The following BRAF variants were observed in gnomAD, a reference collection of about 807,000 sequenced individuals.
BRAF encodes the protein serine/threonine-protein kinase B-raf.
BRAF carries 16 observed loss-of-function variants against 104.6 expected under a neutral mutation model. The observed-to-expected ratio is 0.15, with a 90% CI of 0.10 to 0.23. BRAF has a LOEUF of 0.23. Ranked by LOEUF, BRAF falls within the 10% of genes least tolerant of loss-of-function variation. The pLI is 1.00. For synonymous variants in BRAF, 310 were observed against 341.6 expected (o/e 0.91, Z 1.02); for missense variants, 541 against 937.3 (o/e 0.58, Z 5.52).
chr7:140,773,541 T>C (rs989247419), intron 14 of BRAF: 4 of 152,226 alleles, frequency 2.6e-5, no homozygotes, highest in Non-Finnish European at 4.4e-5. Context: ...AAGATATACA[T>C]GTCCTAGACA....
At chr7:140,850,703 A>G (rs1809068981) in intron 1 of BRAF, among the ~76,000 whole-genome samples, 1 of 152,104 alleles carries the variant, frequency 6.6e-6, no homozygotes, top group Non-Finnish European at 1.5e-5. Flanking sequence ...TTTACTCCCT[A>G]ATGGTTATAT....
chr7:140,843,798 G>T (rs1329598020), intron 2 of BRAF, among the ~76,000 whole-genome samples: 2 of 152,102 alleles, frequency 1.3e-5, no homozygotes, highest in Non-Finnish European at 1.5e-5. Flanking sequence ...GAGGTCAGGA[G>T]ATCGAGACCA....
At chr7:140,886,047 G>C (rs908116226) in intron 1 of BRAF, among the ~76,000 whole-genome samples, 3 of 152,144 alleles carry the variant, frequency 2.0e-5, no homozygotes, top group Non-Finnish European at 2.9e-5. Flanking sequence ...TTATTTTAGA[G>C]ACAAGGACCG....
In BRAF at chr7:140,781,558, A is replaced by G. The variant is rs1800871227; in HGVS notation, c.1552+18T>C. ...TCCTATTATGACTTGTCACAATGTC[A>G]CCACATTACATACTTACCATGCCAC... On this transcript the variant is annotated intron_variant, in intron 12 of 19. Coordinates refer to ENST00000644969, the MANE Select transcript of BRAF (RefSeq NM_001374258.1). 1 of 1,596,202 alleles carries G rather than the reference A, an allele frequency of 6.3e-7. No individual in the cohort carries two copies. Among genetic ancestry groups the G allele is most frequent in the African/African-American group, 1.3e-5 (1 of 74,502 alleles).
intron 3 of BRAF, among the ~76,000 whole-genome samples, chr7:140,810,567 CACAA>C (rs1027865406): frequency 1.6e-4 from 24 of 152,206 alleles, no homozygotes; most frequent in South Asian, 2.1e-4. Context: ...GAGATACTGT[CACAA>C]ACAAACAAAG....
intron 19 of BRAF, chr7:140,732,577 T>C (rs1796067311): frequency 6.6e-6 from 1 of 152,204 alleles, no homozygotes; most frequent in Admixed American, 6.6e-5. Flanking sequence ...GAGGCATGTT[T>C]TACTGGCTAC....
In BRAF at chr7:140,850,064, ATTTT is replaced by A. The variant is rs745563254; in HGVS notation, c.240+43_240+46del. Reference sequence around the variant, plus strand: ...TCAGTACAAATGTTTTTATAAGTTCATTTTTTTTCTTTTCAAAATTACTAGATAT... The same window carrying A: ...TCAGTACAAATGTTTTTATAAGTTCATTTTCTTTTCAAAATTACTAGATAT... On this transcript the variant is annotated intron_variant, in intron 2 of 19. Coordinates refer to ENST00000644969, the MANE Select transcript of BRAF (RefSeq NM_001374258.1). The A allele has an allele frequency of 8.1e-6, 11 of 1,357,134 alleles. No homozygotes were observed. In the South Asian group the frequency reaches 1.3e-4, roughly 16 times the overall value. The allele number at this position is 1,357,134 out of a possible 1,614,324, so 84.1% of individuals were successfully genotyped here.
At position 140,828,530 on chromosome 7, in the gene BRAF, ATAAG is replaced by A. The variant is rs1586316202; in HGVS notation, c.504+6075_504+6078del. On this transcript the variant is annotated intron_variant, in intron 3 of 19. Coordinates refer to ENST00000644969, the MANE Select transcript of BRAF (RefSeq NM_001374258.1). ...TATTGCAATGTGATATACATAAAGA[ATAAG>A]TAAGTAATATCAGAGTTTCCAACAG... Among the ~76,000 whole-genome samples, 3 of 152,342 alleles carry A rather than the reference ATAAG, an allele frequency of 2.0e-5. No individual in the cohort carries two copies. The South Asian group carries it at 6.2e-4, about 32-fold the overall frequency.
intron 12 of BRAF, among the ~76,000 whole-genome samples, chr7:140,779,244 T>G (rs1317206447): frequency 1.3e-5 from 2 of 152,082 alleles, no homozygotes; most frequent in Non-Finnish European, 2.9e-5. Flanking sequence ...TTTATTTAAT[T>G]TTTTTAGAGA....
At chr7:140,914,598 T>C (rs911188378) in intron 1 of BRAF, among the ~76,000 whole-genome samples, 1 of 152,092 alleles carries the variant, frequency 6.6e-6, no homozygotes, top group Non-Finnish European at 1.5e-5. Flanking sequence ...TTAGGAGTAA[T>C]TATCAATAGT....
intron 17 of BRAF, chr7:140,747,514 A>G (rs1797451029): frequency 1.5e-6 from 1 of 658,312 alleles, no homozygotes; most frequent in African/African-American, 1.9e-5. Flanking sequence ...TGGAGATAAT[A>G]CTTGTTTCTA....
At chr7:140,738,032 A>G (rs536373320) in intron 18 of BRAF, among the ~76,000 whole-genome samples, 3 of 152,338 alleles carry the variant, frequency 2.0e-5, no homozygotes, top group South Asian at 4.1e-4. Flanking sequence ...CATGACGTGA[A>G]AAGAGAACAT....
Position 140,841,437 on chromosome 7 carries a change from G to A in BRAF, c.241-6565C>T, listed in dbSNP as rs577902536. Among the ~76,000 whole-genome samples the A allele has an allele frequency of 4.6e-5, 7 of 152,286 alleles. No homozygotes were observed. In the East Asian group the frequency reaches 7.7e-4, roughly 17 times the overall value. On this transcript the variant is annotated intron_variant, in intron 2 of 19. Coordinates refer to ENST00000644969, the MANE Select transcript of BRAF (RefSeq NM_001374258.1). ...AATATATCTACACAAAAACTTGCAC[G>A]TGAATGTTCATGGTGGCATTATTCA...
intron 6 of BRAF, 112 bp from the exon 7 acceptor site, chr7:140,800,593 T>C (rs1402612874): frequency 2.0e-6 from 3 of 1,533,076 alleles, no homozygotes; most frequent in South Asian, 2.3e-5. Context: ...CAGAAACAAC[T>C]GTTAAAATTC....
intron 14 of BRAF, among the ~76,000 whole-genome samples, chr7:140,766,554 A>T (rs890541791): frequency 6.7e-6 from 1 of 149,592 alleles, no homozygotes. Context: ...CCAAATGTGC[A>T]TAAGAAAGAT....
At chr7:140,734,292 G>C (rs1157997489) in intron 19 of BRAF, 3 of 1,234,084 alleles carry the variant, frequency 2.4e-6, no homozygotes, top group East Asian at 7.1e-5. Flanking sequence ...ATGAGAAACT[G>C]AAGTTTACTA....
At chr7:140,884,334 T>C (rs1445539945) in intron 1 of BRAF, among the ~76,000 whole-genome samples, 1 of 151,764 alleles carries the variant, frequency 6.6e-6, no homozygotes, top group Non-Finnish European at 1.5e-5. Flanking sequence ...AGACATAAGA[T>C]ATCTTTTACT....
intron 1 of BRAF, among the ~76,000 whole-genome samples, chr7:140,913,469 CTTTTTTT>C (rs369746551): frequency 1.8e-4 from 10 of 56,996 alleles, no homozygotes; most frequent in African/African-American, 6.7e-4. Flanking sequence ...TTAATCACAG[CTTTTTTT>C]TTTTTTTTTT....
intron 7 of BRAF, among the ~76,000 whole-genome samples, chr7:140,796,502 T>C (rs1040665390): frequency 3.3e-5 from 5 of 152,160 alleles, no homozygotes; most frequent in Non-Finnish European, 7.3e-5. Flanking sequence ...AAACATGTAG[T>C]AGATAACAAA....
Sources: allele counts gnomAD v4.1 joint callset (sites outside exome capture counted in the v4.1 genomes callset), GRCh38; gene constraint gnomAD v4.1.1; transcripts MANE v1.5; gene names NCBI Gene and HGNC (gene_info 2026-07-23, HGNC 2026-07-21).